Variants in PALD1 observed in about 807,000 individuals in gnomAD.
PALD1 encodes paladin.
A neutral mutation model predicts 96.0 loss-of-function variants in PALD1; 57 were observed. The ratio of observed to expected loss-of-function variants is 0.59; its 90% CI spans 0.48 to 0.74. The LOEUF (loss-of-function observed/expected upper bound fraction) is 0.74. Ranked by LOEUF, PALD1 falls within the 30% of genes least tolerant of loss-of-function variation. PALD1 has a pLI of 0.00. For synonymous variants in PALD1, 464 were observed against 473.6 expected (o/e 0.98, Z 0.26); for missense variants, 1,063 against 1,143.7 (o/e 0.93, Z 1.02).
chr10:70,468,827 C>T, the PALD1 span, among the ~76,000 whole-genome samples: 2 of 151,926 alleles, frequency 1.3e-5, no homozygotes, highest in Admixed American at 1.3e-4. Context: ...ACCTCCGCCC[C>T]CCAGGTTCAA....
chr10:70,516,114 AGGAGCCACGTGT>A (rs1846614522), intron 1 of PALD1, among the ~76,000 whole-genome samples: 1 of 152,204 alleles, frequency 6.6e-6, no homozygotes, highest in African/African-American at 2.4e-5. Context: ...GAAATCTCAC[AGGAGCCACGTGT>A]GGCACTTTAT....
At chr10:70,506,606 A>T (rs1846396448) in intron 1 of PALD1, among the ~76,000 whole-genome samples, 1 of 152,198 alleles carries the variant, frequency 6.6e-6, no homozygotes, top group Non-Finnish European at 1.5e-5. Flanking sequence ...CCATTGGGTT[A>T]AGAATTCAGT....
At chr10:70,555,882 T>A (rs1474243388) in intron 18 of PALD1, among the ~76,000 whole-genome samples, 1 of 152,132 alleles carries the variant, frequency 6.6e-6, no homozygotes, top group Non-Finnish European at 1.5e-5. Flanking sequence ...TCACCTGTAG[T>A]CCCAGCTACT....
chr10:70,475,840 G>A (rs1231882662), upstream of PALD1, among the ~76,000 whole-genome samples: 2 of 152,188 alleles, frequency 1.3e-5, no homozygotes, highest in South Asian at 4.1e-4. Context: ...CGGGGCGTGA[G>A]TAACAGGTTA....
At chr10:70,490,222 CCTCTCT>C (rs370799282) in intron 1 of PALD1, among the ~76,000 whole-genome samples, 2 of 150,072 alleles carry the variant, frequency 1.3e-5, no homozygotes, top group Non-Finnish European at 3.0e-5. Context: ...CACGCCTGGC[CCTCTCT>C]CTCTCTCTCT....
At chr10:70,461,002 C>G in the PALD1 span, among the ~76,000 whole-genome samples, 2 of 152,268 alleles carry the variant, frequency 1.3e-5, no homozygotes, top group Admixed American at 6.5e-5. Context: ...TTGCAGTGAG[C>G]TGAGATCGTG....
At chr10:70,478,427 G>A (rs1034191079), upstream of PALD1, among the ~76,000 whole-genome samples, 3 of 152,226 alleles carry the variant, frequency 2.0e-5, no homozygotes, top group Admixed American at 6.5e-5. Context: ...CGTCCGGGAC[G>A]GGGTGTGGCG....
chr10:70,548,185 G>A (rs1847406579), intron 18 of PALD1, among the ~76,000 whole-genome samples: 2 of 152,034 alleles, frequency 1.3e-5, no homozygotes, highest in South Asian at 4.2e-4. Context: ...GGCGCCTGTA[G>A]TCCCAGCTAC....
upstream of PALD1, among the ~76,000 whole-genome samples, chr10:70,476,103 AGTGGGG>A (rs1845818666): frequency 6.6e-6 from 1 of 152,040 alleles, no homozygotes. Context: ...GTGCTGGGTG[AGTGGGG>A]GTCAGTCCCG....
In PALD1 at chr10:70,539,844, A is replaced by T; in HGVS notation, c.1908+82A>T. 4 of 1,238,482 alleles carry T rather than the reference A, an allele frequency of 3.2e-6. No individual in the cohort carries two copies. Among genetic ancestry groups the T allele is most frequent in the Non-Finnish European group, 4.5e-6 (4 of 885,162 alleles). The allele number at this position is 1,238,482 out of a possible 1,614,324, so 76.7% of individuals were successfully genotyped here. A position where few individuals can be genotyped will look rare whatever the true frequency, so the allele number is the denominator to read the frequency against. ...CCCCTCTGGTCTGGGCTCTGGGAGA[A>T]TGAAACGACCCCAGCTTCTCTACGG... On this transcript the variant is annotated intron_variant, in intron 15 of 19. Coordinates refer to ENST00000263563, the MANE Select transcript of PALD1 (RefSeq NM_014431.3). The surrounding 1 kb of genome is among the most constrained non-coding windows in gnomAD (Gnocchi z 4.5).
chr10:70,478,586 G>A (rs2132247139), upstream of PALD1, among the ~76,000 whole-genome samples: 1 of 152,334 alleles, frequency 6.6e-6, no homozygotes, highest in East Asian at 1.9e-4. Flanking sequence ...CGGAGGGTGG[G>A]CGGGCGGAGG....
upstream of PALD1, among the ~76,000 whole-genome samples, chr10:70,475,434 A>G (rs538491447): frequency 6.6e-5 from 10 of 152,212 alleles, no homozygotes; most frequent in East Asian, 1.9e-3. Flanking sequence ...CAAGACTCCC[A>G]CCCTGAAGGG....
the PALD1 span, among the ~76,000 whole-genome samples, chr10:70,460,827 G>A: frequency 9.2e-5 from 14 of 152,260 alleles, no homozygotes; most frequent in Admixed American, 3.9e-4. Flanking sequence ...AGGCCGAGGC[G>A]GGCGGATCAC....
intron 1 of PALD1, among the ~76,000 whole-genome samples, chr10:70,502,036 T>G (rs1846309613): frequency 6.6e-6 from 1 of 152,196 alleles, no homozygotes; most frequent in South Asian, 2.1e-4. Context: ...CAGTGGCTCA[T>G]GCCTGTAATC....
intron 1 of PALD1, among the ~76,000 whole-genome samples, chr10:70,479,660 C>T (rs1166040531): frequency 6.6e-6 from 1 of 152,142 alleles, no homozygotes; most frequent in Non-Finnish European, 1.5e-5. Context: ...TGAAGGTGGC[C>T]GGGATGGTTG....
intron 1 of PALD1, among the ~76,000 whole-genome samples, chr10:70,503,500 G>A (rs1029802040): frequency 1.3e-5 from 2 of 152,096 alleles, no homozygotes; most frequent in African/African-American, 2.4e-5. Flanking sequence ...GCCGGGCATG[G>A]TGGTGTGTGC....
intron 1 of PALD1, among the ~76,000 whole-genome samples, chr10:70,497,661 A>G (rs1338825056): frequency 6.6e-6 from 1 of 150,836 alleles, no homozygotes; most frequent in Non-Finnish European, 1.5e-5. Flanking sequence ...CTGCCTCCCG[A>G]GTTCAAGCGA....
intron 10 of PALD1, among the ~76,000 whole-genome samples, chr10:70,537,263 A>G (rs545588010): frequency 6.6e-6 from 1 of 152,186 alleles, no homozygotes; most frequent in Non-Finnish European, 1.5e-5. Context: ...ATGTGCCACC[A>G]TGCCTAATTT....
intron 15 of PALD1, 58 bp from the exon 16 acceptor site, chr10:70,541,044 T>C: frequency 6.6e-7 from 1 of 1,522,830 alleles, no homozygotes; most frequent in Middle Eastern, 1.8e-4. Flanking sequence ...GGGGACCCTG[T>C]TGGGGTTTGT....
Sources: gnomAD v4.1 joint callset for allele counts (sites outside exome capture counted in the v4.1 genomes callset) on GRCh38, gnomAD v4.1.1 for gene constraint, Gnocchi (gnomAD v3.1) non-coding constraint, MANE v1.5 for transcripts, NCBI Gene and HGNC (gene_info 2026-07-23, HGNC 2026-07-21) for gene names.